CDH18: variants seen among roughly 807,000 people sequenced by gnomAD.
The protein encoded by CDH18 is cadherin 18, also known as cadherin-18.
A neutral mutation model predicts 67.9 loss-of-function variants in CDH18; 31 were observed. The observed-to-expected ratio is 0.46, with a 90% CI of 0.34 to 0.62. CDH18 has a LOEUF of 0.62. CDH18 is among the 20% of genes least tolerant of loss of function. The pLI is 0.01. For synonymous variants in CDH18, 362 were observed against 347.2 expected (o/e 1.04, Z -0.48); for missense variants, 890 against 975.5 (o/e 0.91, Z 1.17).
chr5:20,173,758 T>A (rs1437819367), intron 2 of CDH18, among the ~76,000 whole-genome samples: 1 of 152,182 alleles, frequency 6.6e-6, no homozygotes, highest in Non-Finnish European at 1.5e-5. Context: ...TGAGCATATG[T>A]AATAAATTTA....
intron 1 of CDH18, among the ~76,000 whole-genome samples, chr5:20,572,008 A>G (rs1004926934): frequency 6.6e-6 from 1 of 152,136 alleles, no homozygotes; most frequent in Non-Finnish European, 1.5e-5. Flanking sequence ...AAGAAAGTCT[A>G]CGGTGCAATT....
intron 2 of CDH18, among the ~76,000 whole-genome samples, chr5:20,039,168 C>CA (rs1394200253): frequency 6.6e-6 from 1 of 152,070 alleles, no homozygotes; most frequent in Admixed American, 6.6e-5. Context: ...AGGAGAACTA[C>CA]AAACCACTGC....
Position 19,693,943 on chromosome 5 carries a change from T to C in CDH18, c.643+27404A>G, listed in dbSNP as rs79455686. Among the ~76,000 whole-genome samples the C allele has an allele frequency of 6.8e-3, 1,022 of 151,290 alleles. 10 individuals carry two copies. Among genetic ancestry groups the C allele is most frequent in the African/African-American group, 0.024 (984 of 41,264 alleles). On this transcript the variant is annotated intron_variant, in intron 5 of 12. Transcript: ENST00000382275. Reference sequence around the variant, plus strand: ...ATGACAGGAGGCCTCTAGATAATATTAAGGGGACTTGAAGATAAAATCTGG... The same window carrying C: ...ATGACAGGAGGCCTCTAGATAATATCAAGGGGACTTGAAGATAAAATCTGG...
rs372003408 is a variant in CDH18 at position 19,857,954 on chromosome 5, A to G, written c.-256-18712T>C. On this transcript the variant is annotated intron_variant, in intron 2 of 12. Transcript: ENST00000382275. ...AATACCTAAAAATCTATCTAATATTAAGTGGTATGATATTTAGGTTAGTAT... is the reference window on the plus strand; with the variant it reads ...AATACCTAAAAATCTATCTAATATTGAGTGGTATGATATTTAGGTTAGTAT... Among the ~76,000 whole-genome samples, 4 of 152,190 alleles carry G rather than the reference A, an allele frequency of 2.6e-5. No individual in the cohort carries two copies. The East Asian group carries it at 7.7e-4, about 29-fold the overall frequency.
chr5:19,765,943 G>C (rs890387865), intron 3 of CDH18, among the ~76,000 whole-genome samples: 1 of 151,286 alleles, frequency 6.6e-6, no homozygotes, highest in African/African-American at 2.4e-5. Flanking sequence ...GCAATGACAT[G>C]AACTCGGCTC....
At chr5:20,335,673 T>G (rs986090252) in intron 1 of CDH18, among the ~76,000 whole-genome samples, 1 of 152,222 alleles carries the variant, frequency 6.6e-6, no homozygotes, top group Non-Finnish European at 1.5e-5. Context: ...ATCACTTAAA[T>G]GGATAGGAAC....
intron 9 of CDH18, among the ~76,000 whole-genome samples, chr5:19,527,969 T>C (rs1036380413): frequency 3.3e-5 from 5 of 151,790 alleles, no homozygotes; most frequent in Non-Finnish European, 5.9e-5. Context: ...CTGTTAGGAA[T>C]GAACACTTTG....
At chr5:20,560,920 T>C (rs748441508) in intron 1 of CDH18, among the ~76,000 whole-genome samples, 5 of 151,786 alleles carry the variant, frequency 3.3e-5, no homozygotes, top group Non-Finnish European at 7.4e-5. Flanking sequence ...AAGTCAGCAG[T>C]AAGAAAATTA....
At chr5:19,808,395 T>C (rs536196614) in intron 3 of CDH18, among the ~76,000 whole-genome samples, 86 of 152,130 alleles carry the variant, frequency 5.7e-4, no homozygotes, top group African/African-American at 2.0e-3. Context: ...GTCTTTGTTA[T>C]GTGAGGTCCA....
rs922829405 is a variant in CDH18, at chr5:19,472,047, T to C, written c.*1179A>G. On this transcript the variant is annotated 3_prime_UTR_variant, in exon 13 of 13. Transcript: ENST00000382275. ...CGGAAACATATCTGAGGATAATAAC[T>C]GTGAATCTCCTTTTTTGCTCCTAGT... Among the ~76,000 whole-genome samples the C allele has an allele frequency of 1.3e-5, 2 of 152,124 alleles. No homozygotes were observed. The highest frequency in any genetic ancestry group is 6.6e-5 in the Admixed American group (1 of 15,248).
chr5:20,471,833 T>TTAAAAAAAA (rs757184101), intron 1 of CDH18, among the ~76,000 whole-genome samples: 25 of 51,478 alleles, frequency 4.9e-4, no homozygotes, highest in African/African-American at 1.6e-3. Context: ...AGATTCAGTC[T>TTAAAAAAAA]AAAAAAAAAA....
At chr5:20,511,044 T>C (rs1405206854) in intron 1 of CDH18, among the ~76,000 whole-genome samples, 1 of 151,982 alleles carries the variant, frequency 6.6e-6, no homozygotes, top group Non-Finnish European at 1.5e-5. Flanking sequence ...TCTAAATAAA[T>C]CAGAAATCTA....
At chr5:20,446,335 T>C (rs891539102) in intron 1 of CDH18, among the ~76,000 whole-genome samples, 6 of 152,250 alleles carry the variant, frequency 3.9e-5, no homozygotes, top group African/African-American at 1.4e-4. Flanking sequence ...GTGACAGCCT[T>C]GTCTGCTTTC....
At chr5:20,213,963 T>C (rs946313430) in intron 2 of CDH18, among the ~76,000 whole-genome samples, 2 of 151,984 alleles carry the variant, frequency 1.3e-5, no homozygotes, top group African/African-American at 4.8e-5. Flanking sequence ...ATCCTATATC[T>C]AGAAAACCTC....
intron 2 of CDH18, among the ~76,000 whole-genome samples, chr5:19,973,460 A>G (rs972770528): frequency 3.3e-5 from 5 of 152,156 alleles, no homozygotes; most frequent in Admixed American, 3.3e-4. Context: ...GCAGCAGGAA[A>G]TCTCTTAAAC....
intron 5 of CDH18, among the ~76,000 whole-genome samples, chr5:19,687,694 T>C (rs1208733211): frequency 1.3e-5 from 2 of 152,180 alleles, no homozygotes; most frequent in Non-Finnish European, 2.9e-5. Flanking sequence ...CTGCAGCCAC[T>C]GCCGCCATCT....
chr5:19,551,352 T>C (rs1231246886), intron 8 of CDH18, among the ~76,000 whole-genome samples: 4 of 152,102 alleles, frequency 2.6e-5, no homozygotes, highest in Admixed American at 2.6e-4. Context: ...TCCAGGAAAA[T>C]TATTTCTAAA....
chr5:19,751,166 T>C (rs1363131914), intron 3 of CDH18, among the ~76,000 whole-genome samples: 1 of 152,158 alleles, frequency 6.6e-6, no homozygotes, highest in Non-Finnish European at 1.5e-5. Flanking sequence ...AAACTATTTA[T>C]TCACCCTGGA....
chr5:20,297,043 C>A (rs1428200733), intron 1 of CDH18, among the ~76,000 whole-genome samples: 3 of 151,784 alleles, frequency 2.0e-5, no homozygotes, highest in African/African-American at 7.3e-5. Context: ...TTATCTATCT[C>A]CGATCTAACT....
Sources: allele counts gnomAD v4.1 joint callset (sites outside exome capture counted in the v4.1 genomes callset), GRCh38; gene constraint gnomAD v4.1.1; transcripts MANE v1.5; gene names NCBI Gene and HGNC (gene_info 2026-07-23, HGNC 2026-07-21).